The following PDE4D variants were observed in gnomAD, a reference collection of about 807,000 sequenced individuals.
The protein encoded by PDE4D is 3',5'-cyclic-AMP phosphodiesterase 4D.
In PDE4D, 24 loss-of-function variants were observed where a neutral mutation model predicts 87.4. That is an observed-to-expected ratio of 0.27 (90% CI 0.20 to 0.39). The LOEUF (loss-of-function observed/expected upper bound fraction) is 0.39, where lower values mean the gene tolerates loss of function less well. Among genes scored for constraint, PDE4D ranks in the 10% least tolerant of loss-of-function variants. PDE4D has a pLI of 1.00. For synonymous variants in PDE4D, 384 were observed against 383.2 expected (o/e 1.00, Z -0.02); for missense variants, 714 against 1,041.0 (o/e 0.69, Z 4.32).
At chr5:60,275,753 T>C (rs936326881) in intron 1 of PDE4D, among the ~76,000 whole-genome samples, 2 of 152,136 alleles carry the variant, frequency 1.3e-5, no homozygotes, top group African/African-American at 4.8e-5. Flanking sequence ...TTTCTCTTTT[T>C]TAATGTATGT....
chr5:59,391,069 T>G (rs1451123648), intron 1 of PDE4D, among the ~76,000 whole-genome samples: 2 of 152,094 alleles, frequency 1.3e-5, no homozygotes, highest in Admixed American at 1.3e-4. Context: ...ACCAGAGGAA[T>G]AGAGATTTCC....
At chr5:59,422,374 T>C (rs961137040) in intron 1 of PDE4D, among the ~76,000 whole-genome samples, 5 of 152,146 alleles carry the variant, frequency 3.3e-5, no homozygotes, top group African/African-American at 4.8e-5. Context: ...CACAACATTA[T>C]GGGCCAAGTC....
chr5:59,049,852 T>C (rs1761265855), intron 5 of PDE4D, among the ~76,000 whole-genome samples: 1 of 152,132 alleles, frequency 6.6e-6, no homozygotes, highest in Non-Finnish European at 1.5e-5. Context: ...CTTCTTCTTC[T>C]TTTTTTTAAC....
At chr5:60,132,346 T>A (rs1482044131) in intron 2 of PDE4D, among the ~76,000 whole-genome samples, 2 of 152,216 alleles carry the variant, frequency 1.3e-5, no homozygotes, top group African/African-American at 2.4e-5. Flanking sequence ...TGTTTTTATT[T>A]AAAAATTGTT....
intron 2 of PDE4D, among the ~76,000 whole-genome samples, chr5:60,009,958 T>A (rs1436707525): frequency 6.6e-6 from 1 of 152,064 alleles, no homozygotes; most frequent in Non-Finnish European, 1.5e-5. Context: ...TGGCAGTTGG[T>A]CTTGGAGTAT....
intron 3 of PDE4D, among the ~76,000 whole-genome samples, chr5:59,978,833 G>GTCAGCAGTCA (rs1294001716): frequency 2.1e-4 from 32 of 152,184 alleles, no homozygotes; most frequent in African/African-American, 7.7e-4. Context: ...ACCTTGATCA[G>GTCAGCAGTCA]TCAGCAGTCA....
intron 1 of PDE4D, among the ~76,000 whole-genome samples, chr5:59,879,013 C>T (rs1253002414): frequency 6.7e-6 from 1 of 150,328 alleles, no homozygotes; most frequent in African/African-American, 2.4e-5. Flanking sequence ...ATTCTCCTGC[C>T]TCAGCCTCCC....
intron 2 of PDE4D, among the ~76,000 whole-genome samples, chr5:60,182,633 C>G (rs553640212): frequency 6.6e-6 from 1 of 151,974 alleles, no homozygotes; most frequent in Non-Finnish European, 1.5e-5. Flanking sequence ...AATCCCAGCA[C>G]TTTGGGAAGC....
intron 1 of PDE4D, among the ~76,000 whole-genome samples, chr5:59,812,166 T>C (rs1465921717): frequency 6.6e-6 from 1 of 152,208 alleles, no homozygotes; most frequent in Non-Finnish European, 1.5e-5. Context: ...TGGATGATCC[T>C]GTGCACTGTG....
At chr5:59,959,239 T>C (rs940052449) in intron 3 of PDE4D, among the ~76,000 whole-genome samples, 3 of 152,018 alleles carry the variant, frequency 2.0e-5, no homozygotes, top group Non-Finnish European at 2.9e-5. Flanking sequence ...GGAAAAACAT[T>C]TCATGCTCAT....
At chr5:59,219,105 T>G in intron 1 of PDE4D, among the ~76,000 whole-genome samples, 2 of 147,644 alleles carry the variant, frequency 1.4e-5, no homozygotes, top group African/African-American at 2.5e-5. Flanking sequence ...GATGACGAGT[T>G]AGTGGGTGCA....
intron 1 of PDE4D, among the ~76,000 whole-genome samples, chr5:59,855,621 C>T (rs566062514): frequency 2.8e-4 from 43 of 152,234 alleles, no homozygotes; most frequent in Non-Finnish European, 5.4e-4. Context: ...AATTATTGCT[C>T]AGGCCAATGC....
intron 6 of PDE4D, among the ~76,000 whole-genome samples, chr5:59,031,392 T>TATATATATATATTA (rs1431074293): frequency 1.5e-4 from 5 of 34,284 alleles, no homozygotes; most frequent in Non-Finnish European, 2.1e-4. Flanking sequence ...TATATATATA[T>TATATATATATATTA]TATATATATA....
intron 1 of PDE4D, among the ~76,000 whole-genome samples, chr5:59,590,479 C>G (rs1283294225): frequency 2.6e-5 from 4 of 152,002 alleles, no homozygotes; most frequent in Admixed American, 1.3e-4. Flanking sequence ...CATTTCAAGA[C>G]CAGGCTGGGA....
intron 2 of PDE4D, among the ~76,000 whole-genome samples, chr5:60,112,736 CTA>C (rs1228175711): frequency 6.6e-6 from 1 of 152,098 alleles, no homozygotes; most frequent in East Asian, 1.9e-4. Context: ...CCTCTGCCGA[CTA>C]TGAGTCAACC....
intron 4 of PDE4D, among the ~76,000 whole-genome samples, chr5:59,180,943 G>A (rs1364872138): frequency 1.3e-5 from 2 of 152,108 alleles, no homozygotes; most frequent in South Asian, 4.1e-4. Context: ...GACTTTATTC[G>A]CTGAAGCCAG....
At chr5:59,317,580 G>A (rs144431221) in intron 1 of PDE4D, among the ~76,000 whole-genome samples, 6 of 152,136 alleles carry the variant, frequency 3.9e-5, no homozygotes, top group East Asian at 1.9e-4. Flanking sequence ...GTCAGATTAC[G>A]TCTGACTGAA....
At chr5:59,428,856 G>A (rs1267672935) in intron 1 of PDE4D, among the ~76,000 whole-genome samples, 1 of 152,030 alleles carries the variant, frequency 6.6e-6, no homozygotes, top group East Asian at 1.9e-4. Context: ...TGATTTACTA[G>A]CCATAGGTAA....
intron 1 of PDE4D, among the ~76,000 whole-genome samples, chr5:59,348,186 TAAAC>T (rs577238955): frequency 3.7e-4 from 56 of 152,270 alleles, no homozygotes; most frequent in African/African-American, 1.3e-3. Flanking sequence ...TAACTATAAT[TAAAC>T]AAATTATATT....
Sources: allele counts gnomAD v4.1 joint callset (sites outside exome capture counted in the v4.1 genomes callset), GRCh38; gene constraint gnomAD v4.1.1; transcripts MANE v1.5; gene names NCBI Gene and HGNC (gene_info 2026-07-23, HGNC 2026-07-21).